WNK4: variants seen among roughly 807,000 people sequenced by gnomAD.
WNK4 encodes serine/threonine-protein kinase WNK4.
In WNK4, 94 loss-of-function variants were observed where a neutral mutation model predicts 116.2. The ratio of observed to expected loss-of-function variants is 0.81; its 90% CI spans 0.68 to 0.96. WNK4 has a LOEUF of 0.96. Ranked by LOEUF, WNK4 falls within the 40% of genes least tolerant of loss-of-function variation. The probability of loss-of-function intolerance (pLI) is 0.00; values close to 1 mark genes in which losing one functional copy is unlikely to be tolerated. For missense variants in WNK4, 1,542 were observed against 1,650.6 expected, an observed-to-expected ratio of 0.93 and a Z score of 1.14; for synonymous variants, 655 against 672.7, an observed-to-expected ratio of 0.97 and a Z score of 0.41.
chr17:42,794,489 T>C (rs2054639884), intron 12 of WNK4, 125 bp from the exon 13 acceptor site: 2 of 983,746 alleles, frequency 2.0e-6, no homozygotes, highest in African/African-American at 1.6e-5. Context: ...TGCTTCTGAA[T>C]CCCTTGAAAC....
In WNK4 at chr17:42,785,358, C is replaced by G. The variant is rs61754356; in HGVS notation, c.1352C>G (p.Pro451Arg). Residue 451 changes from proline to arginine, a missense_variant, in exon 6 of 19, where the codon CCG becomes CGG. Pro to Arg is a moderately radical substitution (Grantham distance 103). Transcript: ENST00000246914. The part of the protein sequence containing the change: ...ELAEEDDGEK[P>R]GLKLWLRMED... ...GCGGAGGAGGACGACGGCGAGAAGCCGGGCCTCAAGCTCTGGCTGCGCATG... is the reference window on the plus strand; with the variant it reads ...GCGGAGGAGGACGACGGCGAGAAGCGGGGCCTCAAGCTCTGGCTGCGCATG... 6.0e-5 allele frequency: 97 copies of G among 1,608,610 alleles called. No individual in the cohort carries two copies. The highest frequency in any genetic ancestry group is 8.2e-5 in the Non-Finnish European group (96 of 1,177,686).
At position 42,794,832 on chromosome 17, in the gene WNK4, C is replaced by A; in HGVS notation, c.2411C>A (p.Ser804Ter). The A allele has an allele frequency of 6.2e-7, 1 of 1,613,938 alleles. No homozygotes were observed. Among genetic ancestry groups the A allele is most frequent in the Non-Finnish European group, 8.5e-7 (1 of 1,179,980 alleles). ...HRSWTAFSTSSSSPGTPLSPG... is the reference protein window; with the variant it reads ...HRSWTAFSTS The stretch of plus-strand genomic sequence containing the variant: ...AGCTGGACAGCCTTCTCCACCTCCT[C>A]ATCTTCTCCTGGAACTCCTTTGTCT... The change falls in exon 14 of 19, where the codon TCA becomes TAA. Residue 804 changes from serine to a stop codon, truncating the protein, a stop_gained. Coordinates refer to ENST00000246914, the MANE Select transcript of WNK4 (RefSeq NM_032387.5). LOFTEE classifies it high-confidence loss of function.
rs749459405 is a variant in WNK4, at chr17:42,780,777, C to G, written c.79C>G (p.Pro27Ala). The G allele has an allele frequency of 1.9e-6, 3 of 1,606,276 alleles. No individual in the cohort carries two copies. The South Asian group carries it at 3.3e-5, about 18-fold the overall frequency. Residue 27 changes from proline (P) to alanine (A), a missense_variant, in exon 1 of 19, where the codon CCT becomes GCT. Pro to Ala is a conservative substitution (Grantham distance 27). Around this residue, in one of 7 missense-constraint regions of WNK4, gnomAD observed 243 missense variants for 217.8 expected, o/e 1.12. Transcript: ENST00000246914. Reference protein sequence around the residue: ...EADLALRPPPPLGTAGQPRLG... With the variant: ...EADLALRPPPALGTAGQPRLG... ...CGACCTGGCCCTGCGGCCCCCGCCT[C>G]CTCTTGGCACCGCGGGGCAGCCCCG...
At position 42,795,910 on chromosome 17, in the gene WNK4, T is replaced by G; in HGVS notation, c.3308T>G (p.Leu1103Arg). 1 of 1,611,830 alleles carries G rather than the reference T, an allele frequency of 6.2e-7. No individual in the cohort carries two copies. Among genetic ancestry groups the G allele is most frequent in the Non-Finnish European group, 8.5e-7 (1 of 1,178,724 alleles). Residue 1103 changes from leucine to arginine, a missense_variant, in exon 16 of 19, where the codon CTG (leucine) becomes CGG (arginine). Around this residue, in one of 7 missense-constraint regions of WNK4, gnomAD observed 292 missense variants for 290.1 expected, o/e 1.01. Transcript: ENST00000246914. ...EPQVGGSPQP[L>R]SHPSPVWMNY... ...CAAGTTGGGGGCAGCCCCCAACCCC[T>G]GAGCCATCCCAGCCCAGTGTGGATG...
At chr17:42,785,235 C>T (rs376740518) in intron 5 of WNK4, 31 bp from the exon 6 acceptor site, 1 of 1,607,290 alleles carries the variant, frequency 6.2e-7, no homozygotes, top group Non-Finnish European at 8.5e-7. Context: ...CGGGCCGCGG[C>T]GGGCTCGGCT....
At position 42,780,800 on chromosome 17, in the gene WNK4, C is replaced by G; in HGVS notation, c.102C>G (p.Pro34=). The G allele has an allele frequency of 6.2e-7, 1 of 1,603,012 alleles. No individual in the cohort carries two copies. Among genetic ancestry groups the G allele is most frequent in the Non-Finnish European group, 8.5e-7 (1 of 1,178,226 alleles). The change falls in exon 1 of 19, where the codon CCC becomes CCG. Residue 34 remains proline (P), a synonymous_variant. Coordinates refer to ENST00000246914, the MANE Select transcript of WNK4 (RefSeq NM_032387.5). Reference sequence around the variant, plus strand: ...CTCCTCTTGGCACCGCGGGGCAGCCCCGCCTCGGGCCCCCTCCTCGCCGAG... The same window carrying G: ...CTCCTCTTGGCACCGCGGGGCAGCCGCGCCTCGGGCCCCCTCCTCGCCGAG... ...PPPPLGTAGQ[P]RLGPPPRRAR... is the part of the protein sequence containing the mutation.
chr17:42,795,571 T>G, intron 15 of WNK4, 50 bp downstream of exon 15: 3 of 1,614,174 alleles, frequency 1.9e-6, no homozygotes, highest in South Asian at 1.1e-5. Flanking sequence ...CTACTCACTG[T>G]CTGTCCTGTC....
chr17:42,788,093 T>C (rs1161400175), intron 8 of WNK4, 37 bp from the exon 9 acceptor site: 2 of 1,612,494 alleles, frequency 1.2e-6, no homozygotes, highest in South Asian at 1.1e-5. Context: ...TCAACAGTTA[T>C]CTTCCCCTGA....
intron 16 of WNK4, 36 bp downstream of exon 16, chr17:42,796,069 C>A: frequency 6.2e-7 from 1 of 1,613,994 alleles, no homozygotes; most frequent in Non-Finnish European, 8.5e-7. Context: ...GAGAGGAGAA[C>A]CTGGGAGAGC....
chr17:42,794,309 T>C (rs186754158), intron 12 of WNK4: 58 of 477,266 alleles, frequency 1.2e-4, no homozygotes, highest in African/African-American at 1.0e-3. Flanking sequence ...AAAGAACCAC[T>C]GGATACCCTT....
chr17:42,781,358 T>C (rs1166721035), intron 1 of WNK4, 42 bp downstream of exon 1: 1 of 1,613,420 alleles, frequency 6.2e-7, no homozygotes, highest in Non-Finnish European at 8.5e-7. Context: ...GGGATGGGAC[T>C]CTGGAGGTCT....
Position 42,788,419 on chromosome 17 carries a change from G to A in WNK4, c.2040+12G>A. On this transcript the variant is annotated intron_variant, in intron 10 of 18. Transcript: ENST00000246914. The stretch of plus-strand genomic sequence containing the variant: ...TGCGGGTCACTAGTGTAAGGATGGA[G>A]TACAGGAGATAGAGAGTAACCTACA... The A allele has an allele frequency of 6.2e-7, 1 of 1,610,676 alleles. No individual in the cohort carries two copies. Among genetic ancestry groups the A allele is most frequent in the East Asian group, 2.2e-5 (1 of 44,878 alleles).
intron 2 of WNK4, 169 bp from the exon 3 acceptor site, chr17:42,783,768 C>T (rs1003723247): frequency 2.4e-5 from 16 of 678,194 alleles, no homozygotes; most frequent in Admixed American, 9.0e-5. Flanking sequence ...ATCCACCATG[C>T]CCCCTGACTC....
In WNK4 at chr17:42,794,865, AC is replaced by A. The variant is rs1430180822; in HGVS notation, c.2447del (p.Pro816HisfsTer119). Reference protein sequence around the residue: ...SSPGTPLSPGNPFSPGTPISP... With the variant: ...SSPGTPLSPGXPFSPGTPISP... ...CCTGGAACTCCTTTGTCTCCTGGAA[AC>A]CCATTTTCCCCTGGAACCCCCATTT... On this transcript the variant is annotated frameshift_variant, in exon 14 of 19. Transcript: ENST00000246914. LOFTEE classifies it high-confidence loss of function. The A allele has an allele frequency of 6.2e-7, 1 of 1,613,090 alleles. No homozygotes were observed. The highest frequency in any genetic ancestry group is 8.5e-7 in the Non-Finnish European group (1 of 1,179,758).
chr17:42,796,588 GGCCCAAGGGAGGGAGA>G lies in WNK4; in HGVS notation c.3729+16_3729+31del, dbSNP rs1018838869. 6.2e-7 allele frequency: 1 copy of G among 1,614,202 alleles called. No homozygotes were observed. Among genetic ancestry groups the G allele is most frequent in the African/African-American group, 1.3e-5 (1 of 75,058 alleles). ...GGATGTTGGCAGGATGGTGAGGGCG[GGCCCAAGGGAGGGAGA>G]GCCCAGGGAATGGTACCTGGCTGCA... On this transcript the variant is annotated intron_variant, in intron 18 of 18. Coordinates refer to ENST00000246914, the MANE Select transcript of WNK4 (RefSeq NM_032387.5).
rs1243542699 is a variant in WNK4, at chr17:42,794,900, C to T, written c.2479C>T (p.Pro827Ser). ...CCCTGGAACCCCCATTTCCCCAGGT[C>T]CCATCTTCCCCATCACTTCTCCCCC... ...FSPGTPISPG[P>S]IFPITSPPCH... Residue 827 changes from proline (P) to serine (S), a missense_variant, in exon 14 of 19, where the codon CCC (proline) becomes TCC (serine). Transcript: ENST00000246914. 6.2e-7 allele frequency: 1 copy of T among 1,609,316 alleles called. No homozygotes were observed. Among genetic ancestry groups the T allele is most frequent in the East Asian group, 2.2e-5 (1 of 44,756 alleles).
rs774476169 is a variant in WNK4 at position 42,795,084 on chromosome 17, C to T, written c.2663C>T (p.Ser888Phe). The T allele has an allele frequency of 6.2e-7, 1 of 1,614,102 alleles. No homozygotes were observed. The highest frequency in any genetic ancestry group is 2.2e-5 in the East Asian group (1 of 44,880). The change falls in exon 14 of 19, where the codon TCT becomes TTT. Residue 888 changes from serine (S) to phenylalanine (F), a missense_variant. Physicochemically the swap from Ser to Phe is radical, Grantham distance 155. Coordinates refer to ENST00000246914, the MANE Select transcript of WNK4 (RefSeq NM_032387.5). ...CCCTGGAGTTCTCTCCCCACGACTT[C>T]TCCACCTACGTTCTCTCCCACTTGT... ...QCPWSSLPTT[S>F]PPTFSPTCSQ...
In WNK4 at chr17:42,787,839, C is replaced by T. The variant is rs374742463; in HGVS notation, c.1803C>T (p.Ala601=). The change falls in exon 8 of 19, where the codon GCC becomes GCT. Residue 601 remains alanine (A), a synonymous_variant. Coordinates refer to ENST00000246914, the MANE Select transcript of WNK4 (RefSeq NM_032387.5). ...SSGFLDASDP[A]LQPPGGVPSS... Reference sequence around the variant, plus strand: ...GCTTCCTGGATGCCTCAGACCCTGCCCTTCAGCCCCCTGGGGGGGTGCCAT... The same window carrying T: ...GCTTCCTGGATGCCTCAGACCCTGCTCTTCAGCCCCCTGGGGGGGTGCCAT... 9.3e-5 allele frequency: 150 copies of T among 1,612,336 alleles called. No homozygotes were observed. The highest frequency in any genetic ancestry group is 1.2e-4 in the Non-Finnish European group (136 of 1,180,026).
chr17:42,790,088 G>A (rs1392160950), intron 11 of WNK4, among the ~76,000 whole-genome samples: 1 of 152,206 alleles, frequency 6.6e-6, no homozygotes, highest in Non-Finnish European at 1.5e-5. Context: ...ATGGGATGTG[G>A]AAGGGGGAAG....
Sources: gnomAD v4.1 joint callset for allele counts (sites outside exome capture counted in the v4.1 genomes callset) on GRCh38, gnomAD v4.1.1 for gene constraint, gnomAD v4.1.1 regional missense constraint, MANE v1.5 for transcripts, NCBI Gene and HGNC (gene_info 2026-07-23, HGNC 2026-07-21) for gene names.